The following DPP10 variants were observed in gnomAD, a reference collection of about 807,000 sequenced individuals.
DPP10 encodes the protein dipeptidyl peptidase like 10, also known as inactive dipeptidyl peptidase 10.
In DPP10, 33 loss-of-function variants were observed where a neutral mutation model predicts 120.9. That is an observed-to-expected ratio of 0.27 (90% CI 0.21 to 0.37). The LOEUF is 0.37. Ranked by LOEUF, DPP10 falls within the 10% of genes least tolerant of loss-of-function variation. The probability of loss-of-function intolerance (pLI) is 1.00; values close to 1 mark genes in which losing one functional copy is unlikely to be tolerated. For synonymous variants in DPP10, 337 were observed against 326.1 expected (o/e 1.03, Z -0.36); for missense variants, 816 against 942.8 (o/e 0.87, Z 1.76).
At chr2:115,558,445 A>G (rs1483511909) in intron 5 of DPP10, among the ~76,000 whole-genome samples, 1 of 152,148 alleles carries the variant, frequency 6.6e-6, no homozygotes, top group Non-Finnish European at 1.5e-5. Context: ...ACTTCAGGGT[A>G]CCCAAGAGTA....
At chr2:114,769,979 T>C (rs10192651) in intron 1 of DPP10, among the ~76,000 whole-genome samples, 98 of 152,308 alleles carry the variant, frequency 6.4e-4, no homozygotes, top group African/African-American at 2.3e-3. Context: ...AAACACTAAC[T>C]GATCTCAATT....
intron 1 of DPP10, among the ~76,000 whole-genome samples, chr2:115,234,792 T>C (rs904697888): frequency 3.9e-5 from 6 of 152,226 alleles, no homozygotes; most frequent in African/African-American, 1.4e-4. Flanking sequence ...TTTTAAGTCC[T>C]ACTTAATACA....
At chr2:114,731,765 G>T (rs1055011166) in intron 1 of DPP10, among the ~76,000 whole-genome samples, 1 of 152,176 alleles carries the variant, frequency 6.6e-6, no homozygotes, top group Non-Finnish European at 1.5e-5. Context: ...GAGCACCAAT[G>T]AGCACCAATG....
At chr2:115,531,943 G>A (rs1016111102) in intron 5 of DPP10, among the ~76,000 whole-genome samples, 1 of 152,028 alleles carries the variant, frequency 6.6e-6, no homozygotes, top group Admixed American at 6.6e-5. Context: ...TATATCCGTA[G>A]TTTTCAAGTA....
intron 1 of DPP10, among the ~76,000 whole-genome samples, chr2:114,769,751 T>C (rs1681082347): frequency 6.6e-6 from 1 of 152,128 alleles, no homozygotes; most frequent in Non-Finnish European, 1.5e-5. Flanking sequence ...TACATATACG[T>C]CCAGGCATGC....
At chr2:115,239,543 T>G (rs2058166757) in intron 1 of DPP10, among the ~76,000 whole-genome samples, 5 of 152,230 alleles carry the variant, frequency 3.3e-5, no homozygotes. Context: ...AATTAGGATA[T>G]GTCCACTTTT....
At chr2:114,727,845 A>G (rs1212831964) in intron 1 of DPP10, among the ~76,000 whole-genome samples, 1 of 152,170 alleles carries the variant, frequency 6.6e-6, no homozygotes, top group Non-Finnish European at 1.5e-5. Context: ...TAGCAGTGAG[A>G]GTCACTACTT....
intron 1 of DPP10, among the ~76,000 whole-genome samples, chr2:115,083,563 T>A (rs934098576): frequency 4.6e-5 from 7 of 152,228 alleles, no homozygotes; most frequent in Non-Finnish European, 1.0e-4. Flanking sequence ...AGTTTAGGCC[T>A]TCCTTCTCTC....
intron 3 of DPP10, among the ~76,000 whole-genome samples, chr2:115,395,376 T>C (rs1255988259): frequency 6.6e-6 from 1 of 152,206 alleles, no homozygotes; most frequent in Non-Finnish European, 1.5e-5. Context: ...AAAGATTCTG[T>C]CTCCAAACAC....
At chr2:115,433,455 ATG>A (rs1299021495) in intron 3 of DPP10, among the ~76,000 whole-genome samples, 2 of 151,762 alleles carry the variant, frequency 1.3e-5, no homozygotes, top group Admixed American at 6.6e-5. Flanking sequence ...ATACATGTAC[ATG>A]TGTGTGTGTG....
intron 7 of DPP10, among the ~76,000 whole-genome samples, chr2:115,707,421 T>TAC (rs35961586): frequency 0.15 from 20,164 of 138,608 alleles, 1,747 homozygotes; most frequent in East Asian, 0.36. Flanking sequence ...AAACAAATTT[T>TAC]ACACACACAC....
intron 1 of DPP10, among the ~76,000 whole-genome samples, chr2:115,028,361 G>A (rs1248405551): frequency 6.6e-6 from 1 of 151,908 alleles, no homozygotes; most frequent in Non-Finnish European, 1.5e-5. Context: ...GATCATTTAG[G>A]AACATACTGT....
chr2:115,699,527 G>A (rs1391676712), intron 7 of DPP10, among the ~76,000 whole-genome samples: 1 of 152,124 alleles, frequency 6.6e-6, no homozygotes, highest in Non-Finnish European at 1.5e-5. Flanking sequence ...GCTTGAACCT[G>A]GGAGGCAGAG....
intron 4 of DPP10, among the ~76,000 whole-genome samples, chr2:115,511,487 A>G (rs563541222): frequency 7.9e-4 from 120 of 151,734 alleles, no homozygotes; most frequent in African/African-American, 2.8e-3. Context: ...GAGGCTTGCC[A>G]ATTTTATTTT....
At chr2:114,723,807 G>C (rs1242646048) in intron 1 of DPP10, among the ~76,000 whole-genome samples, 1 of 151,950 alleles carries the variant, frequency 6.6e-6, no homozygotes, top group East Asian at 1.9e-4. Flanking sequence ...ATAATTTACA[G>C]TAAATATTTA....
At chr2:115,007,401 A>G (rs1389833726) in intron 1 of DPP10, among the ~76,000 whole-genome samples, 1 of 152,112 alleles carries the variant, frequency 6.6e-6, no homozygotes, top group Non-Finnish European at 1.5e-5. Context: ...CTCTCAATAA[A>G]TTAAGTATTG....
At chr2:114,649,383 C>T (rs568691312) in intron 1 of DPP10, among the ~76,000 whole-genome samples, 3 of 150,574 alleles carry the variant, frequency 2.0e-5, no homozygotes, top group Non-Finnish European at 4.4e-5. Context: ...GAGTCTTGCT[C>T]TGTCACCCAG....
At chr2:114,601,563 G>A (rs2105229092) in intron 1 of DPP10, among the ~76,000 whole-genome samples, 1 of 151,968 alleles carries the variant, frequency 6.6e-6, no homozygotes, top group African/African-American at 2.4e-5. Flanking sequence ...AAGTTTTAAT[G>A]ATAGTATAAG....
chr2:115,775,691 A>G (rs919569503), intron 13 of DPP10, among the ~76,000 whole-genome samples: 1 of 152,128 alleles, frequency 6.6e-6, no homozygotes, highest in Non-Finnish European at 1.5e-5. Context: ...TGACATGGGT[A>G]TCATCTTGTA....
Sources: gnomAD v4.1 joint callset for allele counts (sites outside exome capture counted in the v4.1 genomes callset) on GRCh38, gnomAD v4.1.1 for gene constraint, MANE v1.5 for transcripts, NCBI Gene and HGNC (gene_info 2026-07-23, HGNC 2026-07-21) for gene names.